AHNAK2: variants seen among roughly 807,000 people sequenced by gnomAD.
The protein encoded by AHNAK2 is protein AHNAK2.
A neutral mutation model predicts 30.7 loss-of-function variants in AHNAK2; 18 were observed. The ratio of observed to expected loss-of-function variants is 0.59; its 90% CI spans 0.41 to 0.87. The LOEUF (loss-of-function observed/expected upper bound fraction) is 0.87. AHNAK2 is among the 40% of genes least tolerant of loss of function. The probability of loss-of-function intolerance (pLI) is 0.00; values close to 1 mark genes in which losing one functional copy is unlikely to be tolerated. For missense variants in AHNAK2, 8,604 were observed against 7,373.0 expected (o/e 1.17, Z -6.11); for synonymous variants, 3,590 against 3,073.8 (o/e 1.17, Z -5.56).
rs199974920 is a variant in AHNAK2, at chr14:104,952,756, C to A, written c.2695G>T (p.Val899Leu). 287 of 1,612,678 alleles carry A rather than the reference C, an allele frequency of 1.8e-4. 7 individuals carry two copies. In the African/African-American group the frequency reaches 3.6e-3, roughly 20 times the overall value. The change falls in exon 7 of 7, where the codon GTG becomes TTG. Residue 899 changes from valine to leucine, a missense_variant. Transcript: ENST00000333244. Reference protein sequence around the residue: ...DLEVQAGQVDVKLPEGPVPEG... With the variant: ...DLEVQAGQVDLKLPEGPVPEG... ...GGCACAGGGCCCTCCGGAAGTTTCA[C>A]ATCCACTTGGCCAGCCTGGACCTCC...
At position 104,938,198 on chromosome 14, in the gene AHNAK2, G is replaced by C. The variant is rs766175343; in HGVS notation, c.17253C>G (p.Ile5751Met). 1 of 1,613,760 alleles carries C rather than the reference G, an allele frequency of 6.2e-7. No individual in the cohort carries two copies. The highest frequency in any genetic ancestry group is 1.3e-5 in the African/African-American group (1 of 74,924). Residue 5751 changes from isoleucine (I) to methionine (M), a missense_variant, in exon 7 of 7, where the codon ATC becomes ATG. Physicochemically the swap from Ile to Met is conservative, Grantham distance 10. Coordinates refer to ENST00000333244, the MANE Select transcript of AHNAK2 (RefSeq NM_138420.4). ...AGTCCAGCCCAGTGCCCACAGGCCC[G>C]ATCAGTTCACCCTCTTCCTTCTCTT... ...SPEEKEEGELIGPVGTGLDSR... is the reference protein window; with the variant it reads ...SPEEKEEGELMGPVGTGLDSR...
At position 104,950,671 on chromosome 14, in the gene AHNAK2, GC is replaced by G. The variant is rs1167886881; in HGVS notation, c.4779del (p.Gln1595ArgfsTer2). ...SFKMPKVDLKGPQIDVKGPKL... is the reference protein window; with the variant it reads ...SFKMPKVDLKXPQIDVKGPKL... ...TTGGGGCCCTTAACATCTATCTGGG[GC>G]CCCTTGAGGTCCACTTTGGGCATCT... On this transcript the variant is annotated frameshift_variant, in exon 7 of 7. Transcript: ENST00000333244. LOFTEE classifies it low-confidence loss of function (END_TRUNC). 9 of 1,586,938 alleles carry G rather than the reference GC, an allele frequency of 5.7e-6. No individual in the cohort carries two copies. Among genetic ancestry groups the G allele is most frequent in the East Asian group, 2.3e-5 (1 of 44,158 alleles).
At position 104,952,672 on chromosome 14, in the gene AHNAK2, G is replaced by T; in HGVS notation, c.2779C>A (p.Pro927Thr). The change falls in exon 7 of 7, where the codon CCC becomes ACC. Residue 927 changes from proline to threonine, a missense_variant. Physicochemically the swap from Pro to Thr is conservative, Grantham distance 38 (BLOSUM62 -1). Transcript: ENST00000333244. ...PKVEMPSFKMPKVDLKGPQID... is the reference protein window; with the variant it reads ...PKVEMPSFKMTKVDLKGPQID... Reference sequence around the variant, plus strand: ...TGGGGGCCCTTGAGGTCCACTTTGGGCATCTTGAAACTGGGCATCTCCACT... The same window carrying T: ...TGGGGGCCCTTGAGGTCCACTTTGGTCATCTTGAAACTGGGCATCTCCACT... 6.2e-7 allele frequency: 1 copy of T among 1,612,606 alleles called. No individual in the cohort carries two copies. Among genetic ancestry groups the T allele is most frequent in the South Asian group, 1.1e-5 (1 of 91,022 alleles).
rs1214218457 is a variant in AHNAK2 at position 104,941,643 on chromosome 14, G to C, written c.13808C>G (p.Ser4603Cys). The change falls in exon 7 of 7, where the codon TCC (serine) becomes TGC (cysteine). Residue 4603 changes from serine (S) to cysteine (C), a missense_variant. By Grantham distance (112) the Ser-to-Cys change is moderately radical (BLOSUM62 -1). Coordinates refer to ENST00000333244, the MANE Select transcript of AHNAK2 (RefSeq NM_138420.4). ...CTCAAGCCGCGCACCATCCAGCATG[G>C]ATCCTGGGGCCTGGACATCCGTCTC... ...SVETDVQAPG[S>C]MLDGARLEGD... 6.2e-7 allele frequency: 1 copy of C among 1,613,594 alleles called. No individual in the cohort carries two copies. Among genetic ancestry groups the C allele is most frequent in the East Asian group, 2.2e-5 (1 of 44,882 alleles).
intron 1 of AHNAK2, among the ~76,000 whole-genome samples, chr14:104,977,130 AGGCCAGGGGCACCCCTCTCACC>A (rs1419060815): frequency 1.3e-5 from 2 of 152,082 alleles, no homozygotes; most frequent in East Asian, 3.9e-4. Context: ...GGGCATGCCC[AGGCCAGGGGCACCCCTCTCACC>A]TGCAGCATTG....
chr14:104,954,876 G>T lies in AHNAK2; in HGVS notation c.652-77C>A. 1 of 1,543,818 alleles carries T rather than the reference G, an allele frequency of 6.5e-7. No homozygotes were observed. The highest frequency in any genetic ancestry group is 8.7e-7 in the Non-Finnish European group (1 of 1,147,152). On this transcript the variant is annotated intron_variant, in intron 6 of 6. Transcript: ENST00000333244. The surrounding 1 kb of genome is among the most constrained non-coding windows in gnomAD (Gnocchi z 4.3). ...CCCTGGCCCAGGGACAGATGGAGTGGGAGTGCTATCCCCTCCCAGGCTCAG... is the reference window on the plus strand; with the variant it reads ...CCCTGGCCCAGGGACAGATGGAGTGTGAGTGCTATCCCCTCCCAGGCTCAG...
chr14:104,975,622 T>C (rs1899572375), intron 1 of AHNAK2, among the ~76,000 whole-genome samples: 1 of 152,218 alleles, frequency 6.6e-6, no homozygotes, highest in Non-Finnish European at 1.5e-5. Flanking sequence ...GCGTGCGACA[T>C]TCTGCTCTGG....
At position 104,942,927 on chromosome 14, in the gene AHNAK2, T is replaced by C; in HGVS notation, c.12524A>G (p.Asp4175Gly). The C allele has an allele frequency of 6.2e-7, 1 of 1,612,796 alleles. No homozygotes were observed. The highest frequency in any genetic ancestry group is 8.5e-7 in the Non-Finnish European group (1 of 1,179,484). Residue 4175 changes from aspartate (D) to glycine (G), a missense_variant, in exon 7 of 7, where the codon GAC becomes GGC. Physicochemically the swap from Asp to Gly is moderately conservative, Grantham distance 94 (BLOSUM62 -1). Coordinates refer to ENST00000333244, the MANE Select transcript of AHNAK2 (RefSeq NM_138420.4). ...ADVSLPSMQG[D>G]LKTTDLSIQS... ...AATGCTGAGGTCAGTGGTCTTGAGG[T>C]CCCCCTGCATGGAGGGGAGGCTCAC...
In AHNAK2 at chr14:104,950,763, T is replaced by A. The variant is rs780583142; in HGVS notation, c.4688A>T (p.Glu1563Val). 11 of 1,587,198 alleles carry A rather than the reference T, an allele frequency of 6.9e-6. 1 individual carries two copies. The highest frequency in any genetic ancestry group is 9.5e-6 in the Non-Finnish European group (11 of 1,162,650). Residue 1563 changes from glutamate (E) to valine (V), a missense_variant, in exon 7 of 7, where the codon GAG (glutamate) becomes GTG (valine). By Grantham distance (121) the Glu-to-Val change is moderately radical (BLOSUM62 -2). Coordinates refer to ENST00000333244, the MANE Select transcript of AHNAK2 (RefSeq NM_138420.4). ...GCCGGCTCCCTCGGACACAGGGCCCTCTGGGAGTTTCACGTCCACTTGGCC... is the reference window on the plus strand; with the variant it reads ...GCCGGCTCCCTCGGACACAGGGCCCACTGGGAGTTTCACGTCCACTTGGCC... ...QAGQVDVKLP[E>V]GPVSEGAGLK...
In AHNAK2 at chr14:104,948,933, T is replaced by G. The variant is rs200340963; in HGVS notation, c.6518A>C (p.Glu2173Ala). 553 of 1,445,408 alleles carry G rather than the reference T, an allele frequency of 3.8e-4. 14 individuals are homozygous for G. In the African/African-American group the frequency reaches 6.4e-3, roughly 17 times the overall value. The allele number at this position is 1,445,408 out of a possible 1,614,324, so 89.5% of individuals were successfully genotyped here. ...FGVSAPGKSI[E>A]ASVDVSPPKV... ...GGGTGGAGACACATCCACCGAGGCC[T>G]CGATGGACTTGCCTGGGGCAGACAC... is the stretch of plus-strand genomic sequence containing the variant. Residue 2173 changes from glutamate (E) to alanine (A), a missense_variant, in exon 7 of 7, where the codon GAG becomes GCG. Coordinates refer to ENST00000333244, the MANE Select transcript of AHNAK2 (RefSeq NM_138420.4).
intron 1 of AHNAK2, among the ~76,000 whole-genome samples, chr14:104,964,290 C>G (rs549599310): frequency 6.6e-6 from 1 of 152,166 alleles, no homozygotes; most frequent in African/African-American, 2.4e-5. Context: ...CCACGAGGTG[C>G]CATATGCTCC....
rs1898953482 is a variant in AHNAK2 at position 104,955,693 on chromosome 14, C to T, written c.316-60G>A. The T allele has an allele frequency of 3.8e-6, 6 of 1,569,214 alleles. No individual in the cohort carries two copies. In the South Asian group the frequency reaches 5.9e-5, roughly 15 times the overall value. ...TGTGCCAGTCCCACCATAAGCATCC[C>T]TGCTGGGGCCTGTGTCTCCAGAGGA... On this transcript the variant is annotated intron_variant, in intron 4 of 6. Coordinates refer to ENST00000333244, the MANE Select transcript of AHNAK2 (RefSeq NM_138420.4).
chr14:104,958,657 A>G (rs1189174330), intron 1 of AHNAK2, among the ~76,000 whole-genome samples: 1 of 152,234 alleles, frequency 6.6e-6, no homozygotes, highest in Non-Finnish European at 1.5e-5. Context: ...ATCAACTTGT[A>G]GATTAATATA....
At position 104,941,062 on chromosome 14, in the gene AHNAK2, C is replaced by G. The variant is rs749612784; in HGVS notation, c.14389G>C (p.Val4797Leu). ...CEDVTLTKYQ[V>L]TVPRAALAPE... Reference sequence around the variant, plus strand: ...GCCAAGGCAGCTCTGGGAACAGTCACCTGGTATTTTGTAAGTGTAACATCC... The same window carrying G: ...GCCAAGGCAGCTCTGGGAACAGTCAGCTGGTATTTTGTAAGTGTAACATCC... The change falls in exon 7 of 7, where the codon GTG (valine) becomes CTG (leucine). Residue 4797 changes from valine (V) to leucine (L), a missense_variant. Transcript: ENST00000333244. 1.5e-5 allele frequency: 24 copies of G among 1,613,522 alleles called. No homozygotes were observed. The South Asian group carries it at 1.8e-4, about 12-fold the overall frequency.
In AHNAK2 at chr14:104,952,455, T is replaced by C; in HGVS notation, c.2996A>G (p.Lys999Arg). ...CGACGGCATCTTGAACTTGGGCATT[T>C]TGAACTTGCTGTCTTTGGCAGTCAC... ...KDVTAKDSKF[K>R]MPKFKMPSFG... Residue 999 changes from lysine to arginine, a missense_variant, in exon 7 of 7, where the codon AAA becomes AGA. Coordinates refer to ENST00000333244, the MANE Select transcript of AHNAK2 (RefSeq NM_138420.4). 6.2e-7 allele frequency: 1 copy of C among 1,612,652 alleles called. No individual in the cohort carries two copies. Among genetic ancestry groups the C allele is most frequent in the Non-Finnish European group, 8.5e-7 (1 of 1,179,572 alleles).
At chr14:104,968,970 C>T (rs1162468445) in intron 1 of AHNAK2, among the ~76,000 whole-genome samples, 2 of 152,226 alleles carry the variant, frequency 1.3e-5, no homozygotes, top group Non-Finnish European at 2.9e-5. Flanking sequence ...CAGGCACACA[C>T]AGCCGGCCGC....
At chr14:104,973,485 C>T (rs1451819665) in intron 1 of AHNAK2, among the ~76,000 whole-genome samples, 1 of 152,178 alleles carries the variant, frequency 6.6e-6, no homozygotes, top group Non-Finnish European at 1.5e-5. Flanking sequence ...AACAAAGGGG[C>T]CTTAATTCCA....
At chr14:104,964,111 C>T in intron 1 of AHNAK2, among the ~76,000 whole-genome samples, 1 of 152,180 alleles carries the variant, frequency 6.6e-6, no homozygotes, top group East Asian at 1.9e-4. Context: ...CAAAGGCCTC[C>T]AACCCAGAAT....
rs769041964 is a variant in AHNAK2 at position 104,952,544 on chromosome 14, C to G, written c.2907G>C (p.Gln969His). 7 of 1,612,916 alleles carry G rather than the reference C, an allele frequency of 4.3e-6. No homozygotes were observed. Among genetic ancestry groups the G allele is most frequent in the Non-Finnish European group, 5.9e-6 (7 of 1,179,704 alleles). Residue 969 changes from glutamine (Q) to histidine (H), a missense_variant, in exon 7 of 7, where the codon CAG becomes CAC. Coordinates refer to ENST00000333244, the MANE Select transcript of AHNAK2 (RefSeq NM_138420.4). ...VSLPSMEVDV[Q>H]AQKAKLDGAW... The stretch of plus-strand genomic sequence containing the variant: ...CACCATCCAGCTTGGCCTTCTGGGC[C>G]TGGACATCCACCTCCATGCTGGGCA...
Sources: allele counts gnomAD v4.1 joint callset (sites outside exome capture counted in the v4.1 genomes callset), GRCh38; gene constraint gnomAD v4.1.1; non-coding constraint Gnocchi (gnomAD v3.1); transcripts MANE v1.5; gene names NCBI Gene and HGNC (gene_info 2026-07-23, HGNC 2026-07-21).